The following CAMK2D variants were observed in gnomAD, a reference collection of about 807,000 sequenced individuals.
The protein encoded by CAMK2D is calcium/calmodulin-dependent protein kinase type II subunit delta.
Under a neutral mutation model 84.0 loss-of-function variants are expected in CAMK2D, and 37 were observed. The ratio of observed to expected loss-of-function variants is 0.44; its 90% CI spans 0.34 to 0.58. The LOEUF is 0.58. Ranked by LOEUF, CAMK2D falls within the 20% of genes least tolerant of loss-of-function variation. CAMK2D has a pLI of 0.02. For missense variants in CAMK2D, 448 were observed against 652.5 expected (o/e 0.69, Z 3.41); for synonymous variants, 202 against 212.5 (o/e 0.95, Z 0.43).
At chr4:113,736,281 G>A (rs1385454325) in intron 2 of CAMK2D, among the ~76,000 whole-genome samples, 1 of 151,934 alleles carries the variant, frequency 6.6e-6, no homozygotes, top group African/African-American at 2.4e-5. Flanking sequence ...GGTATATTTT[G>A]AATACAGTTT....
At position 113,664,894 on chromosome 4, in the gene CAMK2D, C is replaced by A. The variant is rs373811142; in HGVS notation, c.161-3122G>T. On this transcript the variant is annotated intron_variant, in intron 2 of 20. Transcript: ENST00000511664. ...TCTTGGTTCACTGCAACCTCCACCC[C>A]CCGGGTTCAAGCAATTCTCCTGCCT... is the stretch of plus-strand genomic sequence containing the variant. 2.2e-4 allele frequency among the ~76,000 whole-genome samples: 33 copies of A among 152,242 alleles called. No homozygotes were observed. In the East Asian group the frequency reaches 3.1e-3, roughly 14 times the overall value.
At chr4:113,607,878 G>T (rs2098984737) in intron 4 of CAMK2D, among the ~76,000 whole-genome samples, 2 of 152,250 alleles carry the variant, frequency 1.3e-5, no homozygotes, top group Non-Finnish European at 2.9e-5. Flanking sequence ...TCTGAACTGG[G>T]TATCACATGA....
chr4:113,610,141 TA>T (rs2098994127), intron 3 of CAMK2D, among the ~76,000 whole-genome samples: 1 of 152,116 alleles, frequency 6.6e-6, no homozygotes, highest in African/African-American at 2.4e-5. Context: ...ATGTACAGAT[TA>T]TTTTGTCCCC....
chr4:113,731,706 C>A lies in CAMK2D; in HGVS notation c.160+27614G>T, dbSNP rs561446754. ...GTTCGAGTGATTCCCCTGCCTCAGC[C>A]TCCTGAGTAGGTGGGACTACAGGCG... On this transcript the variant is annotated intron_variant, in intron 2 of 20. Transcript: ENST00000511664. Among the ~76,000 whole-genome samples, 439 of 152,004 alleles carry A rather than the reference C, an allele frequency of 2.9e-3. 1 individual carries two copies. Among genetic ancestry groups the A allele is most frequent in the African/African-American group, 9.8e-3 (407 of 41,448 alleles).
At chr4:113,603,982 A>G (rs905943199) in intron 4 of CAMK2D, among the ~76,000 whole-genome samples, 1 of 151,476 alleles carries the variant, frequency 6.6e-6, no homozygotes, top group Non-Finnish European at 1.5e-5. Flanking sequence ...TTTTCATAGA[A>G]CTCATGTTCT....
At chr4:113,756,361 T>C (rs1172108447) in intron 2 of CAMK2D, among the ~76,000 whole-genome samples, 1 of 151,982 alleles carries the variant, frequency 6.6e-6, no homozygotes, top group Admixed American at 6.6e-5. Flanking sequence ...TGCCTGGTCT[T>C]TAAAACAAAT....
intron 2 of CAMK2D, among the ~76,000 whole-genome samples, chr4:113,703,133 T>C (rs2154349487): frequency 6.6e-6 from 1 of 152,280 alleles, no homozygotes; most frequent in Non-Finnish European, 1.5e-5. Context: ...GTTCTAGCTG[T>C]TGAGAATACA....
chr4:113,628,694 T>C (rs1380153208), intron 3 of CAMK2D, among the ~76,000 whole-genome samples: 1 of 152,126 alleles, frequency 6.6e-6, no homozygotes, highest in East Asian at 1.9e-4. Context: ...TCTTGTATTA[T>C]GTAATGAAAA....
At chr4:113,636,356 C>G (rs28722161) in intron 3 of CAMK2D, among the ~76,000 whole-genome samples, 13,955 of 152,274 alleles carry the variant, frequency 0.092, 1,920 homozygotes, top group African/African-American at 0.3. Flanking sequence ...ACCGATTACT[C>G]CAACTGTCTC....
chr4:113,515,218 T>A (rs777046432), intron 9 of CAMK2D, 27 bp from the exon 10 acceptor site: 2 of 1,542,932 alleles, frequency 1.3e-6, no homozygotes, highest in Non-Finnish European at 1.8e-6. Flanking sequence ...TTATAAAAAG[T>A]TTAAAAAATA....
chr4:113,616,796 C>T (rs2099023030), intron 3 of CAMK2D, among the ~76,000 whole-genome samples: 2 of 152,098 alleles, frequency 1.3e-5, no homozygotes, highest in South Asian at 4.1e-4. Context: ...TTAATAAAAA[C>T]ATAAATTTAA....
chr4:113,541,421 T>C (rs998589567), intron 6 of CAMK2D, among the ~76,000 whole-genome samples: 2 of 152,210 alleles, frequency 1.3e-5, no homozygotes, highest in Non-Finnish European at 1.5e-5. Context: ...GAAAAAAACA[T>C]AGTTTTAACC....
intron 16 of CAMK2D, among the ~76,000 whole-genome samples, chr4:113,498,693 T>C (rs545330372): frequency 6.6e-6 from 1 of 152,304 alleles, no homozygotes; most frequent in African/African-American, 2.4e-5. Context: ...GAAACCCATA[T>C]CATTGTTATG....
chr4:113,688,910 CAAAAAAAAAAAAA>C (rs34196728), intron 2 of CAMK2D, among the ~76,000 whole-genome samples: 15 of 49,724 alleles, frequency 3.0e-4, no homozygotes, highest in Admixed American at 5.7e-4. Flanking sequence ...AAAGAAGATG[CAAAAAAAAAAAAA>C]AAAAAAAAAA....
At chr4:113,629,171 C>T (rs1358979964) in intron 3 of CAMK2D, among the ~76,000 whole-genome samples, 1 of 152,014 alleles carries the variant, frequency 6.6e-6, no homozygotes, top group African/African-American at 2.4e-5. Flanking sequence ...AAGTATCAGG[C>T]TGAACAGAAC....
chr4:113,484,406 GTATGATTCCAGATCTCTGCTTA>G (rs1278720849), intron 16 of CAMK2D, among the ~76,000 whole-genome samples: 2 of 152,236 alleles, frequency 1.3e-5, no homozygotes, highest in East Asian at 1.9e-4. Context: ...ATTAGGGCTA[GTATGATTCCAGATCTCTGCTTA>G]TATGATTCCA....
intron 20 of CAMK2D, 122 bp from the exon 21 acceptor site, chr4:113,454,637 A>T (rs1054578654): frequency 1.5e-6 from 1 of 663,320 alleles, no homozygotes; most frequent in African/African-American, 1.8e-5. Context: ...TAGATTGAAA[A>T]CACTATGTAT....
At chr4:113,659,508 A>G (rs2099218760) in intron 3 of CAMK2D, among the ~76,000 whole-genome samples, 1 of 152,212 alleles carries the variant, frequency 6.6e-6, no homozygotes, top group African/African-American at 2.4e-5. Flanking sequence ...CTAATCCAAT[A>G]TGACTGGTGT....
At chr4:113,674,853 C>T (rs116237415) in intron 2 of CAMK2D, among the ~76,000 whole-genome samples, 1,551 of 152,050 alleles carry the variant, frequency 0.01, 11 homozygotes, top group Non-Finnish European at 0.014. Context: ...CTACTCCCCC[C>T]GAGAGAATAA....
Sources: gnomAD v4.1 joint callset for allele counts (sites outside exome capture counted in the v4.1 genomes callset) on GRCh38, gnomAD v4.1.1 for gene constraint, MANE v1.5 for transcripts, NCBI Gene and HGNC (gene_info 2026-07-23, HGNC 2026-07-21) for gene names.